Variants in GLIPR1L1 observed in about 807,000 individuals in gnomAD.
GLIPR1L1 encodes GLIPR1 like 1.
In GLIPR1L1, 26 loss-of-function variants were observed where a neutral mutation model predicts 29.9. That is an observed-to-expected ratio of 0.87 (90% CI 0.64 to 1.21). The LOEUF (loss-of-function observed/expected upper bound fraction) is 1.21. GLIPR1L1 is among the 50% of genes most tolerant of loss of function. The pLI is 0.00. For synonymous variants in GLIPR1L1, 77 were observed against 97.5 expected (o/e 0.79, Z 1.24); for missense variants, 305 against 290.3 (o/e 1.05, Z -0.37).
intron 3 of GLIPR1L1, among the ~76,000 whole-genome samples, chr12:75,352,003 G>C (rs2042847772): frequency 6.6e-6 from 1 of 152,156 alleles, no homozygotes; most frequent in Non-Finnish European, 1.5e-5. Flanking sequence ...GCTCCTGAAG[G>C]AAGCACTAAA....
intron 4 of GLIPR1L1, chr12:75,366,945 C>T (rs1337812256): frequency 1.4e-6 from 1 of 701,772 alleles, no homozygotes; most frequent in Non-Finnish European, 2.6e-6. Flanking sequence ...CCCACTCAGT[C>T]CCCAGTCACC....
At chr12:75,336,330 C>A (rs2041737399) in intron 1 of GLIPR1L1, among the ~76,000 whole-genome samples, 2 of 151,682 alleles carry the variant, frequency 1.3e-5, no homozygotes, top group African/African-American at 4.8e-5. Flanking sequence ...AAATGGTAGA[C>A]TAAAACTTAA....
chr12:75,357,793 A>G (rs2043249652), intron 3 of GLIPR1L1, among the ~76,000 whole-genome samples: 1 of 152,026 alleles, frequency 6.6e-6, no homozygotes, highest in African/African-American at 2.4e-5. Context: ...AGAAGTTAGA[A>G]AGTATGCTGA....
intron 1 of GLIPR1L1, among the ~76,000 whole-genome samples, chr12:75,335,706 T>C (rs1302350127): frequency 6.6e-6 from 1 of 152,084 alleles, no homozygotes; most frequent in South Asian, 2.1e-4. Context: ...GAAAATTATA[T>C]TTTGATGGAG....
intron 3 of GLIPR1L1, among the ~76,000 whole-genome samples, chr12:75,354,028 C>G (rs540492729): frequency 1.4e-4 from 22 of 152,002 alleles, no homozygotes; most frequent in Admixed American, 3.3e-4. Context: ...AAACCCATGG[C>G]CAATGTCATA....
chr12:75,363,526 C>T (rs138367208), intron 4 of GLIPR1L1, among the ~76,000 whole-genome samples: 1 of 152,024 alleles, frequency 6.6e-6, no homozygotes, highest in Non-Finnish European at 1.5e-5. Flanking sequence ...AGAATAGTGA[C>T]CCATTCAGAA....
intron 3 of GLIPR1L1, 66 bp from the exon 4 acceptor site, chr12:75,363,036 A>C: frequency 4.3e-6 from 3 of 699,284 alleles, no homozygotes; most frequent in Non-Finnish European, 7.3e-6. Flanking sequence ...CAACTTGCAT[A>C]CATGCATGAA....
intron 3 of GLIPR1L1, among the ~76,000 whole-genome samples, chr12:75,356,142 A>G (rs1448045474): frequency 6.6e-6 from 1 of 152,180 alleles, no homozygotes; most frequent in African/African-American, 2.4e-5. Flanking sequence ...TAAAATAAAA[A>G]CAAAAATATA....
intron 3 of GLIPR1L1, among the ~76,000 whole-genome samples, chr12:75,350,241 C>T (rs2042719311): frequency 6.6e-6 from 1 of 152,200 alleles, no homozygotes. Flanking sequence ...CTCTGATTTC[C>T]CTGAGAGGAG....
At chr12:75,359,790 C>T (rs1220001552) in intron 3 of GLIPR1L1, 2 of 151,986 alleles carry the variant, frequency 1.3e-5, no homozygotes, top group African/African-American at 2.4e-5. Context: ...ATAAAGTAAC[C>T]TGGATCTATA....
chr12:75,363,738 T>A (rs2043776807), intron 4 of GLIPR1L1, among the ~76,000 whole-genome samples: 1 of 152,158 alleles, frequency 6.6e-6, no homozygotes, highest in Non-Finnish European at 1.5e-5. Flanking sequence ...AGAGATTTAT[T>A]CTGAGCAAAC....
In GLIPR1L1 at chr12:75,334,754, GT is replaced by G; in HGVS notation, c.29del (p.Leu10TyrfsTer9). 1 of 1,614,012 alleles carries G rather than the reference GT, an allele frequency of 6.2e-7. No individual in the cohort carries two copies. Among genetic ancestry groups the G allele is most frequent in the Non-Finnish European group, 8.5e-7 (1 of 1,179,952 alleles). ...ATGGCTCTGAAGAATAAATTCAGTTGTTTATGGATCTTGGGTCTGTGTTTGG... is the reference window on the plus strand; with the variant it reads ...ATGGCTCTGAAGAATAAATTCAGTTGTTATGGATCTTGGGTCTGTGTTTGG... MALKNKFS[C>X]LWILGLCLVA... On this transcript the variant is annotated frameshift_variant, in exon 1 of 6. Transcript: ENST00000378695. LOFTEE classifies it high-confidence loss of function.
chr12:75,369,760 G>C (rs192599847), intron 4 of GLIPR1L1, 200 bp from the exon 5 acceptor site: 6 of 984,866 alleles, frequency 6.1e-6, no homozygotes, highest in Non-Finnish European at 6.0e-6. Flanking sequence ...AGAAATATTT[G>C]TTGACATAAC....
In GLIPR1L1 at chr12:75,337,425, C is replaced by A. The variant is rs190039034; in HGVS notation, c.174+2523C>A. 2.8e-3 allele frequency among the ~76,000 whole-genome samples: 428 copies of A among 151,762 alleles called. 2 individuals are homozygous for A. The highest frequency in any genetic ancestry group is 0.01 in the Middle Eastern group (3 of 286). On this transcript the variant is annotated intron_variant, in intron 1 of 5. Coordinates refer to ENST00000378695, the MANE Select transcript of GLIPR1L1 (RefSeq NM_001304964.2). ...AATGGAAAATCACTTTTAAAAAACT[C>A]CACACATTAAATGGATAGATAGAGA...
Position 75,366,680 on chromosome 12 carries a change from G to C in GLIPR1L1, c.611-3280G>C, listed in dbSNP as rs575353789. Among the ~76,000 whole-genome samples, 91 of 151,168 alleles carry C rather than the reference G, an allele frequency of 6.0e-4. No individual in the cohort carries two copies. In the South Asian group the frequency reaches 0.018, roughly 30 times the overall value. On this transcript the variant is annotated intron_variant, in intron 4 of 5. Transcript: ENST00000378695. ...TTCTTAAAAGGAGGAATGGAGCTGT[G>C]GCCTAGGGTTTTTTTGTGTTGCAGA...
Position 75,347,482 on chromosome 12 carries a change from C to G in GLIPR1L1, c.421-140C>G, listed in dbSNP as rs111626738. The G allele has an allele frequency of 4.1e-3, 1,563 of 382,804 alleles. 19 individuals are homozygous for G. Among genetic ancestry groups the G allele is most frequent in the African/African-American group, 0.03 (1,384 of 46,742 alleles). 23.7% of individuals were successfully genotyped at this position (382,804 alleles called of 1,614,324 possible). ...ATAAGAATTTTAATATAAATATAAA[C>G]ATTAGAAAAAATATGTAACTAATAA... On this transcript the variant is annotated intron_variant, in intron 2 of 5. Coordinates refer to ENST00000378695, the MANE Select transcript of GLIPR1L1 (RefSeq NM_001304964.2).
At chr12:75,345,092 C>T (rs2042360575) in intron 2 of GLIPR1L1, among the ~76,000 whole-genome samples, 1 of 152,014 alleles carries the variant, frequency 6.6e-6, no homozygotes, top group African/African-American at 2.4e-5. Context: ...CCTAGTGTGT[C>T]ACTGTACAAT....
chr12:75,341,564 A>G lies in GLIPR1L1; in HGVS notation c.175-2129A>G, dbSNP rs569332940. Among the ~76,000 whole-genome samples the G allele has an allele frequency of 1.5e-3, 228 of 148,418 alleles. 1 individual carries two copies. The highest frequency in any genetic ancestry group is 5.4e-3 in the African/African-American group (216 of 40,026). On this transcript the variant is annotated intron_variant, in intron 1 of 5. Coordinates refer to ENST00000378695, the MANE Select transcript of GLIPR1L1 (RefSeq NM_001304964.2). Reference sequence around the variant, plus strand: ...CGGGTTCACGCCATTCTCCTGCCTCAGCCTCCGGAGTAACTGAGACTACAG... The same window carrying G: ...CGGGTTCACGCCATTCTCCTGCCTCGGCCTCCGGAGTAACTGAGACTACAG...
At chr12:75,341,901 C>T (rs1468874700) in intron 1 of GLIPR1L1, among the ~76,000 whole-genome samples, 1 of 151,900 alleles carries the variant, frequency 6.6e-6, no homozygotes, top group Non-Finnish European at 1.5e-5. Flanking sequence ...AGCACCGCCC[C>T]CACACCTGGC....
Sources: allele counts gnomAD v4.1 joint callset (sites outside exome capture counted in the v4.1 genomes callset), GRCh38; gene constraint gnomAD v4.1.1; transcripts MANE v1.5; gene names NCBI Gene and HGNC (gene_info 2026-07-23, HGNC 2026-07-21).